The following MYO3A variants were observed in gnomAD, a reference collection of about 807,000 sequenced individuals.
MYO3A encodes myosin-IIIa.
MYO3A carries 180 observed loss-of-function variants against 192.7 expected under a neutral mutation model. The observed-to-expected ratio is 0.93, with a 90% CI of 0.83 to 1.06. The LOEUF (loss-of-function observed/expected upper bound fraction) is 1.06. MYO3A is among the 50% of genes least tolerant of loss of function. The pLI is 0.00. For synonymous variants in MYO3A, 628 were observed against 645.3 expected, an observed-to-expected ratio of 0.97 and a Z score of 0.41; for missense variants, 1,896 against 1,905.0, an observed-to-expected ratio of 1.00 and a Z score of 0.09.
At chr10:26,024,141 A>G (rs1468574597) in intron 9 of MYO3A, 54 bp downstream of exon 9, 2 of 1,473,656 alleles carry the variant, frequency 1.4e-6, no homozygotes, top group Non-Finnish European at 1.9e-6. Flanking sequence ...TGCTATAACT[A>G]AATCTCCTCC....
At chr10:26,052,742 A>AAGTATTACTTT (rs1554814269) in intron 10 of MYO3A, among the ~76,000 whole-genome samples, 2 of 152,236 alleles carry the variant, frequency 1.3e-5, no homozygotes, top group Non-Finnish European at 2.9e-5. Flanking sequence ...GAGTATTTTA[A>AAGTATTACTTT]AGCAAAGTAA....
At chr10:26,094,025 C>T (rs896341846) in intron 15 of MYO3A, among the ~76,000 whole-genome samples, 12 of 152,196 alleles carry the variant, frequency 7.9e-5, no homozygotes, top group Admixed American at 2.0e-4. Context: ...TGTCTTCCTT[C>T]CTTTTGAAAT....
intron 27 of MYO3A, among the ~76,000 whole-genome samples, chr10:26,168,300 A>T (rs2132004855): frequency 6.6e-6 from 1 of 152,288 alleles, no homozygotes; most frequent in Non-Finnish European, 1.5e-5. Flanking sequence ...CGGAACTATA[A>T]TTCTGTCCTC....
intron 17 of MYO3A, among the ~76,000 whole-genome samples, chr10:26,107,324 A>G (rs1048628251): frequency 6.6e-6 from 1 of 152,024 alleles, no homozygotes; most frequent in African/African-American, 2.4e-5. Context: ...TACTCAAAAT[A>G]CAAAAAATTA....
At chr10:26,094,487 C>T (rs190603666) in intron 15 of MYO3A, among the ~76,000 whole-genome samples, 1,960 of 141,638 alleles carry the variant, frequency 0.014, 23 homozygotes, top group Non-Finnish European at 0.02. Flanking sequence ...TGCAGTGGCA[C>T]GATTTCGGCT....
chr10:26,154,753 C>T lies in MYO3A; in HGVS notation c.2723C>T (p.Thr908Ile), dbSNP rs753388924. 1.2e-6 allele frequency: 2 copies of T among 1,613,694 alleles called. No homozygotes were observed. The highest frequency in any genetic ancestry group is 1.1e-5 in the South Asian group (1 of 91,056). Reference protein sequence around the residue: ...EKLINLAKGDTGEATRHARET... With the variant: ...EKLINLAKGDIGEATRHARET... ...CTTCCTTGGTCTCCTTAGGGCGACACTGGAGAAGCCACACGTCATGCCAGA... is the reference window on the plus strand; with the variant it reads ...CTTCCTTGGTCTCCTTAGGGCGACATTGGAGAAGCCACACGTCATGCCAGA... Residue 908 changes from threonine to isoleucine, a missense_variant, in exon 25 of 35, where the codon ACT (threonine) becomes ATT (isoleucine). Physicochemically the swap from Thr to Ile is moderately conservative, Grantham distance 89 (BLOSUM62 -1). Transcript: ENST00000642920.
chr10:25,955,328 ATG>A (rs1837474944), intron 4 of MYO3A, among the ~76,000 whole-genome samples: 1 of 152,172 alleles, frequency 6.6e-6, no homozygotes, highest in Non-Finnish European at 1.5e-5. Flanking sequence ...TTTCATTAAC[ATG>A]TGATAAGCCT....
chr10:26,152,772 G>A (rs1021512015), intron 23 of MYO3A, among the ~76,000 whole-genome samples: 4 of 152,176 alleles, frequency 2.6e-5, no homozygotes, highest in South Asian at 2.1e-4. Flanking sequence ...ATTTTGAAAA[G>A]TGAACAGGGC....
At chr10:26,169,670 A>C (rs1038834503) in intron 28 of MYO3A, among the ~76,000 whole-genome samples, 2 of 152,206 alleles carry the variant, frequency 1.3e-5, no homozygotes, top group Non-Finnish European at 2.9e-5. Flanking sequence ...TCAAGAGATT[A>C]ACATTCCAAT....
chr10:26,077,527 T>G (rs563290498), intron 14 of MYO3A, among the ~76,000 whole-genome samples: 60 of 152,010 alleles, frequency 3.9e-4, no homozygotes, highest in African/African-American at 1.4e-3. Context: ...GGACTTCCAG[T>G]GTTATGTTGA....
intron 9 of MYO3A, among the ~76,000 whole-genome samples, chr10:26,024,321 C>A (rs190381700): frequency 2.6e-4 from 39 of 152,234 alleles, no homozygotes; most frequent in African/African-American, 9.1e-4. Context: ...CCTTTATAAT[C>A]AATGGTCATG....
At chr10:26,193,147 C>A in intron 31 of MYO3A, 58 bp from the exon 32 acceptor site, 1 of 1,301,796 alleles carries the variant, frequency 7.7e-7, no homozygotes, top group Non-Finnish European at 1.1e-6. Context: ...AAAAGGAAAA[C>A]ATCACTTGAT....
At chr10:26,077,212 T>C (rs1394337033) in intron 14 of MYO3A, among the ~76,000 whole-genome samples, 1 of 148,852 alleles carries the variant, frequency 6.7e-6, no homozygotes, top group Non-Finnish European at 1.5e-5. Context: ...TTTTAGCTCC[T>C]TGGTTAGGTA....
At chr10:26,196,694 G>A (rs1211188862) in intron 32 of MYO3A, among the ~76,000 whole-genome samples, 1 of 152,136 alleles carries the variant, frequency 6.6e-6, no homozygotes, top group East Asian at 1.9e-4. Context: ...TGGTTTTCAT[G>A]AAAGTCTTTC....
chr10:25,992,808 G>A (rs1259335098), intron 4 of MYO3A, among the ~76,000 whole-genome samples: 6 of 152,254 alleles, frequency 3.9e-5, no homozygotes, highest in Non-Finnish European at 7.4e-5. Context: ...GCTGGATTAC[G>A]TTTATTGGTT....
At chr10:25,995,799 C>T (rs186246411) in intron 4 of MYO3A, among the ~76,000 whole-genome samples, 1,533 of 152,290 alleles carry the variant, frequency 0.01, 15 homozygotes, top group South Asian at 0.017. Context: ...GTATCAGCAG[C>T]GGAGGCTGCA....
At position 25,934,277 on chromosome 10, in the gene MYO3A, C is replaced by G. The variant is rs1193085070; in HGVS notation, c.-156C>G. On this transcript the variant is annotated 5_prime_UTR_variant, in exon 1 of 35. Transcript: ENST00000642920. ...CCTGCCCGCCCCTCGAGGGAGCGCCCGTAGCCAGCGCCCCCGTAAAGAAAT... is the reference window on the plus strand; with the variant it reads ...CCTGCCCGCCCCTCGAGGGAGCGCCGGTAGCCAGCGCCCCCGTAAAGAAAT... The G allele has an allele frequency of 6.6e-6, 1 of 152,402 alleles. No individual in the cohort carries two copies. Among genetic ancestry groups the G allele is most frequent in the Non-Finnish European group, 1.5e-5 (1 of 68,200 alleles). 9.4% of individuals were successfully genotyped at this position (152,402 alleles called of 1,614,324 possible). A position where few individuals can be genotyped will look rare whatever the true frequency, so the allele number is the denominator to read the frequency against.
At position 26,179,599 on chromosome 10, in the gene MYO3A, C is replaced by T. The variant is rs1842515768; in HGVS notation, c.4438+2754C>T. 2.6e-5 allele frequency among the ~76,000 whole-genome samples: 4 copies of T among 152,126 alleles called. No individual in the cohort carries two copies. In the South Asian group the frequency reaches 8.3e-4, roughly 32 times the overall value. Reference sequence around the variant, plus strand: ...ATTGACATTGTCAAGTGAGAACTTACTGTATGATGATGTGGCTGTTCAAAG... The same window carrying T: ...ATTGACATTGTCAAGTGAGAACTTATTGTATGATGATGTGGCTGTTCAAAG... On this transcript the variant is annotated intron_variant, in intron 31 of 34. Transcript: ENST00000642920.
At chr10:26,134,075 TATC>T (rs1383050761) in intron 20 of MYO3A, among the ~76,000 whole-genome samples, 1 of 152,206 alleles carries the variant, frequency 6.6e-6, no homozygotes, top group African/African-American at 2.4e-5. Context: ...GAGAAACAGG[TATC>T]ATATCCAAAA....
Sources: gnomAD v4.1 joint callset for allele counts (sites outside exome capture counted in the v4.1 genomes callset) on GRCh38, gnomAD v4.1.1 for gene constraint, MANE v1.5 for transcripts, NCBI Gene and HGNC (gene_info 2026-07-23, HGNC 2026-07-21) for gene names.